PCDH15: variants seen among roughly 807,000 people sequenced by gnomAD.
PCDH15 encodes protocadherin related 15, also known as protocadherin-15.
A neutral mutation model predicts 178.5 loss-of-function variants in PCDH15; 129 were observed. That is an observed-to-expected ratio of 0.72 (90% CI 0.63 to 0.84). PCDH15 has a LOEUF of 0.84. Among genes scored for constraint, PCDH15 ranks in the 40% least tolerant of loss-of-function variants. PCDH15 has a pLI of 0.00. For synonymous variants in PCDH15, 800 were observed against 732.0 expected (o/e 1.09, Z -1.50); for missense variants, 2,230 against 2,099.9 (o/e 1.06, Z -1.21).
In PCDH15 at chr10:55,336,124, GAAAAAAAAA is replaced by G. The variant is rs748988261; in HGVS notation, c.-155-169482_-155-169474del. Reference sequence around the variant, plus strand: ...CCCAAAATATGGCACCTTGGTATTTGAAAAAAAAAAAAAAAAAAAAAAAAAAAAAACAGT... The same window carrying G: ...CCCAAAATATGGCACCTTGGTATTTGAAAAAAAAAAAAAAAAAAAAACAGT... On this transcript the variant is annotated intron_variant, in intron 2 of 5. Coordinates refer to the PCDH15 transcript ENST00000613346. 6.3e-3 allele frequency among the ~76,000 whole-genome samples: 372 copies of G among 59,282 alleles called. 1 individual carries two copies. The highest frequency in any genetic ancestry group is 0.021 in the African/African-American group (357 of 16,886). 38.9% of individuals were successfully genotyped at this position (59,282 alleles called of 152,430 possible).
chr10:54,067,401 G>A (rs563081382), intron 17 of PCDH15, among the ~76,000 whole-genome samples: 9 of 152,288 alleles, frequency 5.9e-5, no homozygotes, highest in South Asian at 2.1e-4. Flanking sequence ...TAAACCAAGA[G>A]TTTGAGTACC....
At chr10:54,641,820 T>C (rs759773218) in intron 2 of PCDH15, among the ~76,000 whole-genome samples, 1 of 152,158 alleles carries the variant, frequency 6.6e-6, no homozygotes, top group East Asian at 1.9e-4. Flanking sequence ...TTAGAATAAA[T>C]TGAATCATGA....
At chr10:54,927,910 T>C (rs557177615) in intron 2 of PCDH15, among the ~76,000 whole-genome samples, 1 of 152,200 alleles carries the variant, frequency 6.6e-6, no homozygotes, top group East Asian at 1.9e-4. Context: ...CTGTGCCTTT[T>C]AATTGGTGAA....
intron 3 of PCDH15, among the ~76,000 whole-genome samples, chr10:54,425,630 A>C (rs1265570783): frequency 6.6e-6 from 1 of 152,160 alleles, no homozygotes; most frequent in African/African-American, 2.4e-5. Context: ...ATTCAAAATA[A>C]TTTCATTTTG....
chr10:54,782,729 A>C (rs1950496484), intron 1 of PCDH15, among the ~76,000 whole-genome samples: 1 of 152,074 alleles, frequency 6.6e-6, no homozygotes, highest in Non-Finnish European at 1.5e-5. Context: ...CTACCACTGG[A>C]GTCCCCAACA....
chr10:54,783,476 A>G (rs1316413746), intron 1 of PCDH15, among the ~76,000 whole-genome samples: 1 of 152,124 alleles, frequency 6.6e-6, no homozygotes, highest in Non-Finnish European at 1.5e-5. Flanking sequence ...TAAACATAGT[A>G]AAGAAAGCCT....
rs1591635564 is a variant in PCDH15 at position 54,294,270 on chromosome 10, C to A, written c.876+23001G>T. The stretch of plus-strand genomic sequence containing the variant: ...ATAGTTGGGAATCGAACAATGAGAA[C>A]ACTTGGACACATGGCAGGGAACATC... On this transcript the variant is annotated intron_variant, in intron 8 of 37. Transcript: ENST00000644397. 1.3e-5 allele frequency among the ~76,000 whole-genome samples: 2 copies of A among 151,124 alleles called. 1 individual carries two copies. Among genetic ancestry groups the A allele is most frequent in the East Asian group, 3.9e-4 (2 of 5,102 alleles).
chr10:55,169,760 A>C (rs1405481884), intron 1 of PCDH15, among the ~76,000 whole-genome samples: 2 of 152,212 alleles, frequency 1.3e-5, no homozygotes, highest in African/African-American at 4.8e-5. Context: ...ATCAGAGGTA[A>C]TTACAATAAA....
At position 53,846,021 on chromosome 10, in the gene PCDH15, T is replaced by TACACACAC. The variant is rs1232851382; in HGVS notation, c.3807-5526_3807-5525insGTGTGTGT. 5.3e-5 allele frequency among the ~76,000 whole-genome samples: 5 copies of TACACACAC among 94,008 alleles called. No individual in the cohort carries two copies. The South Asian group carries it at 2.2e-3, about 42-fold the overall frequency. The allele number at this position is 94,008 out of a possible 152,430, so 61.7% of individuals were successfully genotyped here. On this transcript the variant is annotated intron_variant, in intron 28 of 37. Coordinates refer to ENST00000644397, the MANE Select transcript of PCDH15 (RefSeq NM_001384140.1). ...CTAGGTTATATCAATAGTGTATGTG[T>TACACACAC]ATACACACACACACACACACACACA... is the stretch of plus-strand genomic sequence containing the variant.
chr10:54,982,388 G>A (rs777722045), intron 2 of PCDH15, among the ~76,000 whole-genome samples: 4 of 152,080 alleles, frequency 2.6e-5, no homozygotes, highest in Non-Finnish European at 4.4e-5. Flanking sequence ...TTCAAAAAGA[G>A]TCAAAGTTTA....
At chr10:54,288,989 C>A (rs1225715614) in intron 8 of PCDH15, among the ~76,000 whole-genome samples, 1 of 152,254 alleles carries the variant, frequency 6.6e-6, no homozygotes, top group East Asian at 1.9e-4. Context: ...AAATCCCTGT[C>A]TGACGCTCTG....
At chr10:54,830,562 C>T (rs1953205611) in intron 3 of PCDH15, among the ~76,000 whole-genome samples, 1 of 146,810 alleles carries the variant, frequency 6.8e-6, no homozygotes, top group South Asian at 2.2e-4. Context: ...GGAAGGGGAA[C>T]ATCACAATCT....
In PCDH15 at chr10:54,465,327, C is replaced by A. The variant is rs2077446481; in HGVS notation, c.157+62485G>T. Among the ~76,000 whole-genome samples, 5 of 152,130 alleles carry A rather than the reference C, an allele frequency of 3.3e-5. No individual in the cohort carries two copies. The South Asian group carries it at 8.3e-4, about 25-fold the overall frequency. The stretch of plus-strand genomic sequence containing the variant: ...TGTTGTTTAGTAACTAAAGTTTACT[C>A]TCAATCACTGGAAATTATTCTTTCT... On this transcript the variant is annotated intron_variant, in intron 3 of 37. Transcript: ENST00000644397.
At chr10:53,934,535 T>C (rs936739293) in intron 25 of PCDH15, among the ~76,000 whole-genome samples, 157 of 151,712 alleles carry the variant, frequency 1.0e-3, no homozygotes, top group African/African-American at 3.7e-3. Flanking sequence ...GAGGCGGTGC[T>C]TGCAGTGAGC....
chr10:54,389,165 CAA>C (rs57032988), intron 3 of PCDH15, among the ~76,000 whole-genome samples: 3 of 151,700 alleles, frequency 2.0e-5, no homozygotes, highest in Admixed American at 1.3e-4. Flanking sequence ...CAAAACAAAA[CAA>C]AAAAAAACTG....
chr10:54,590,731 C>A (rs964797603), intron 2 of PCDH15, among the ~76,000 whole-genome samples: 1 of 151,998 alleles, frequency 6.6e-6, no homozygotes, highest in African/African-American at 2.4e-5. Flanking sequence ...GCTTTGCCTA[C>A]CTAAAGGGAT....
intron 2 of PCDH15, among the ~76,000 whole-genome samples, chr10:55,350,252 TATATATATATATATATACACAC>T (rs1446005391): frequency 7.7e-5 from 5 of 65,138 alleles, no homozygotes; most frequent in African/African-American, 3.7e-4. Context: ...TATATATATA[TATATATATATATATATACACAC>T]ACACACACAC....
chr10:54,758,126 T>C (rs148771939), intron 1 of PCDH15, among the ~76,000 whole-genome samples: 16 of 152,356 alleles, frequency 1.1e-4, no homozygotes, highest in African/African-American at 3.4e-4. Context: ...GCAAATTAGA[T>C]ACCATGTAGT....
At chr10:54,150,757 G>A (rs1317920647) in intron 14 of PCDH15, among the ~76,000 whole-genome samples, 1 of 151,598 alleles carries the variant, frequency 6.6e-6, no homozygotes, top group Non-Finnish European at 1.5e-5. Context: ...TTATTTTGGG[G>A]GATTTCTTGT....
Sources: gnomAD v4.1 joint callset for allele counts (sites outside exome capture counted in the v4.1 genomes callset) on GRCh38, gnomAD v4.1.1 for gene constraint, MANE v1.5 for transcripts, NCBI Gene and HGNC (gene_info 2026-07-23, HGNC 2026-07-21) for gene names.